PDLIM5: variants seen among roughly 807,000 people sequenced by gnomAD.
PDLIM5 encodes PDZ and LIM domain protein 5.
In PDLIM5, 34 loss-of-function variants were observed where a neutral mutation model predicts 64.2. The ratio of observed to expected loss-of-function variants is 0.53; its 90% CI spans 0.40 to 0.71. The LOEUF (loss-of-function observed/expected upper bound fraction) is 0.71, where lower values mean the gene tolerates loss of function less well. Among genes scored for constraint, PDLIM5 ranks in the 30% least tolerant of loss-of-function variants. PDLIM5 has a pLI of 0.00. For missense variants in PDLIM5, 683 were observed against 733.6 expected, an observed-to-expected ratio of 0.93 and a Z score of 0.80; for synonymous variants, 253 against 269.1, an observed-to-expected ratio of 0.94 and a Z score of 0.59.
intron 2 of PDLIM5, among the ~76,000 whole-genome samples, chr4:94,487,652 A>G (rs183126202): frequency 1.3e-5 from 2 of 152,312 alleles, no homozygotes; most frequent in Admixed American, 1.3e-4. Flanking sequence ...TTCATTAGGA[A>G]TGGAGACTTC....
chr4:94,474,750 A>G (rs1274584226), intron 2 of PDLIM5, among the ~76,000 whole-genome samples: 1 of 152,126 alleles, frequency 6.6e-6, no homozygotes, highest in African/African-American at 2.4e-5. Flanking sequence ...CTTGGACTCA[A>G]GGGATTCTCC....
At chr4:94,661,264 T>C (rs1742690979) in intron 11 of PDLIM5, among the ~76,000 whole-genome samples, 1 of 151,850 alleles carries the variant, frequency 6.6e-6, no homozygotes, top group South Asian at 2.1e-4. Context: ...CATGGTGGCT[T>C]GTACATGTAG....
chr4:94,665,491 AAAAAAAAAAAAAAAAGAG>A lies in PDLIM5; in HGVS notation c.*1426_*1443del. 7 of 684,004 alleles carry A rather than the reference AAAAAAAAAAAAAAAAGAG, an allele frequency of 1.0e-5. No homozygotes were observed. The highest frequency in any genetic ancestry group is 5.8e-5 in the South Asian group (1 of 17,310). The allele number at this position is 684,004 out of a possible 1,614,324, so 42.4% of individuals were successfully genotyped here. On this transcript the variant is annotated 3_prime_UTR_variant, in exon 13 of 13. Transcript: ENST00000317968. ...CAAGACTCCGGCTCTTAAAAAAAAA[AAAAAAAAAAAAAAAAGAG>A]AGAGAGAGAATAAATAGAAAAGAAT... is the stretch of plus-strand genomic sequence containing the variant.
At chr4:94,631,914 G>T (rs968303643) in intron 8 of PDLIM5, among the ~76,000 whole-genome samples, 1 of 152,134 alleles carries the variant, frequency 6.6e-6, no homozygotes, top group Non-Finnish European at 1.5e-5. Flanking sequence ...CTCAAATGTC[G>T]TCAATATGTT....
At chr4:94,642,123 G>T (rs535313139) in intron 9 of PDLIM5, among the ~76,000 whole-genome samples, 1 of 152,316 alleles carries the variant, frequency 6.6e-6, no homozygotes, top group South Asian at 2.1e-4. Context: ...CATTGCTTCT[G>T]TAAGTTACAG....
At chr4:94,488,221 A>G (rs1449675350) in intron 2 of PDLIM5, among the ~76,000 whole-genome samples, 3 of 152,182 alleles carry the variant, frequency 2.0e-5, no homozygotes, top group Non-Finnish European at 4.4e-5. Flanking sequence ...ATGTTTGTGG[A>G]AAGTACTTTT....
chr4:94,630,121 T>C (rs1225824460), intron 8 of PDLIM5, among the ~76,000 whole-genome samples: 2 of 152,208 alleles, frequency 1.3e-5, no homozygotes, highest in African/African-American at 4.8e-5. Context: ...GTAAAATTGC[T>C]ACCATACCAC....
intron 8 of PDLIM5, among the ~76,000 whole-genome samples, chr4:94,634,664 GT>G (rs1158889834): frequency 6.6e-6 from 1 of 152,136 alleles, no homozygotes; most frequent in Non-Finnish European, 1.5e-5. Flanking sequence ...GTCTGGCCAG[GT>G]GTTTAATCTA....
At position 94,579,119 on chromosome 4, in the gene PDLIM5, T is replaced by G. The variant is rs193220048; in HGVS notation, c.710+3085T>G. 667 of 154,056 alleles carry G rather than the reference T, an allele frequency of 4.3e-3. 2 individuals are homozygous for G. Among genetic ancestry groups the G allele is most frequent in the Middle Eastern group, 0.02 (6 of 300 alleles). 9.5% of individuals were successfully genotyped at this position (154,056 alleles called of 1,614,324 possible). On this transcript the variant is annotated intron_variant, in intron 5 of 12. Coordinates refer to ENST00000317968, the MANE Select transcript of PDLIM5 (RefSeq NM_006457.5). ...TAGAATATTTTAAATTAATAGTCTGTAAGCATTCCTGTTCCTTCTTATGAG... is the reference window on the plus strand; with the variant it reads ...TAGAATATTTTAAATTAATAGTCTGGAAGCATTCCTGTTCCTTCTTATGAG...
Position 94,523,482 on chromosome 4 carries a change from A to G in PDLIM5, c.97-242A>G, listed in dbSNP as rs1179990943. Among the ~76,000 whole-genome samples the G allele has an allele frequency of 2.0e-5, 3 of 152,360 alleles. No individual in the cohort carries two copies. The South Asian group carries it at 6.2e-4, about 32-fold the overall frequency. On this transcript the variant is annotated intron_variant, in intron 2 of 12. Coordinates refer to ENST00000317968, the MANE Select transcript of PDLIM5 (RefSeq NM_006457.5). ...TAAAGAAATGGAGAAATGATCAGGG[A>G]ATCTTTCTCAGAAAATTCAGTTTTT...
In PDLIM5 at chr4:94,622,860, G is replaced by A. The variant is rs550267985; in HGVS notation, c.1108+4669G>A. ...TAATTTTTGTATTTTTAATAGAGAC[G>A]GGGTTTCACCATGTTGGCCAGGATG... On this transcript the variant is annotated intron_variant, in intron 8 of 12. Transcript: ENST00000317968. Among the ~76,000 whole-genome samples, 28 of 151,418 alleles carry A rather than the reference G, an allele frequency of 1.8e-4. No homozygotes were observed. In the East Asian group the frequency reaches 3.1e-3, roughly 17 times the overall value.
chr4:94,584,811 C>T lies in PDLIM5; in HGVS notation c.711-754C>T, dbSNP rs545697879. 243 of 534,822 alleles carry T rather than the reference C, an allele frequency of 4.5e-4. 2 individuals carry two copies. Among genetic ancestry groups the T allele is most frequent in the South Asian group, 3.3e-3 (117 of 35,560 alleles). The allele number at this position is 534,822 out of a possible 1,614,324, so 33.1% of individuals were successfully genotyped here. A position where few individuals can be genotyped will look rare whatever the true frequency, so the allele number is the denominator to read the frequency against. On this transcript the variant is annotated intron_variant, in intron 5 of 12. Transcript: ENST00000317968. ...ATTAATGGCCGTTGTGAATATTGTC[C>T]GCATCTGTGTTTCGTATGGCATACA...
At chr4:94,603,822 A>G (rs1021186856) in intron 7 of PDLIM5, among the ~76,000 whole-genome samples, 1 of 152,172 alleles carries the variant, frequency 6.6e-6, no homozygotes, top group Admixed American at 6.5e-5. Context: ...CTGGCCCTCA[A>G]GTTTCAAGCA....
intron 2 of PDLIM5, among the ~76,000 whole-genome samples, chr4:94,482,855 C>T (rs1440749256): frequency 6.6e-6 from 1 of 152,084 alleles, no homozygotes; most frequent in East Asian, 1.9e-4. Context: ...TGCCACTGCA[C>T]TCGAGCCTGG....
intron 2 of PDLIM5, among the ~76,000 whole-genome samples, chr4:94,473,312 AGT>A (rs1725042195): frequency 6.6e-6 from 1 of 152,186 alleles, no homozygotes; most frequent in Admixed American, 6.5e-5. Flanking sequence ...CCGAGGCTGG[AGT>A]ACAGTGGCAC....
At chr4:94,585,297 A>G (rs1488375286) in intron 5 of PDLIM5, among the ~76,000 whole-genome samples, 2 of 152,028 alleles carry the variant, frequency 1.3e-5, no homozygotes, top group South Asian at 2.1e-4. Flanking sequence ...TCACTGTGTT[A>G]GCCAGGATGG....
chr4:94,544,337 A>G (rs1207965244), intron 3 of PDLIM5, among the ~76,000 whole-genome samples: 1 of 152,122 alleles, frequency 6.6e-6, no homozygotes, highest in Non-Finnish European at 1.5e-5. Context: ...TGGGATATGG[A>G]CACATCTCTT....
chr4:94,453,257 G>T (rs1300702684), intron 1 of PDLIM5, among the ~76,000 whole-genome samples: 1 of 152,186 alleles, frequency 6.6e-6, no homozygotes, highest in Non-Finnish European at 1.5e-5. Context: ...ATAACCAGAT[G>T]GAGGAGTCTT....
intron 2 of PDLIM5, among the ~76,000 whole-genome samples, chr4:94,471,268 A>C (rs937497146): frequency 6.6e-6 from 1 of 152,174 alleles, no homozygotes; most frequent in African/African-American, 2.4e-5. Flanking sequence ...AAACCAACTT[A>C]TAAATTACCT....
Sources: gnomAD v4.1 joint callset for allele counts (sites outside exome capture counted in the v4.1 genomes callset) on GRCh38, gnomAD v4.1.1 for gene constraint, MANE v1.5 for transcripts, NCBI Gene and HGNC (gene_info 2026-07-23, HGNC 2026-07-21) for gene names.